Variants in IL15RA observed in about 807,000 individuals in gnomAD.
IL15RA encodes the protein interleukin 15 receptor subunit alpha.
A neutral mutation model predicts 24.2 loss-of-function variants in IL15RA; 26 were observed. That is an observed-to-expected ratio of 1.07 (90% confidence interval 0.79 to 1.49). IL15RA has a LOEUF of 1.49. IL15RA is among the 40% of genes most tolerant of loss of function. The pLI is 0.00. For synonymous variants in IL15RA, 166 were observed against 157.6 expected, an observed-to-expected ratio of 1.05 and a Z score of -0.40; for missense variants, 354 against 356.4, an observed-to-expected ratio of 0.99 and a Z score of 0.05.
chr10:5,961,285 T>A lies in IL15RA; in HGVS notation c.383-718A>T, dbSNP rs1274280849. On this transcript the variant is annotated intron_variant, in intron 3 of 6. Transcript: ENST00000379977. The surrounding 1 kb of genome is among the most constrained non-coding windows in gnomAD (Gnocchi z 5.2). ...AGGTGTGGTGGGCATGTGCCTATAG[T>A]TCCAGCTATCTGAGAGGCTGAGGCA... Among the ~76,000 whole-genome samples the A allele has an allele frequency of 6.6e-6, 1 of 152,160 alleles. No homozygotes were observed. Among genetic ancestry groups the A allele is most frequent in the East Asian group, 1.9e-4 (1 of 5,186 alleles).
chr10:5,950,219 T>A (rs957141009), downstream of IL15RA, among the ~76,000 whole-genome samples: 1 of 152,090 alleles, frequency 6.6e-6, no homozygotes, highest in Non-Finnish European at 1.5e-5. This position sits in a 1 kb window ranked among gnomAD's most constrained non-coding sequence, Gnocchi z 5.6. Context: ...GAGATGTGAA[T>A]CATTTAGACT....
In IL15RA at chr10:5,953,436, C is replaced by T. The variant is rs115901599; in HGVS notation, c.693-230G>A. 1,198 of 689,836 alleles carry T rather than the reference C, an allele frequency of 1.7e-3. 9 individuals carry two copies. The highest frequency in any genetic ancestry group is 0.017 in the African/African-American group (958 of 56,924). 42.7% of individuals were successfully genotyped at this position (689,836 alleles called of 1,614,324 possible). On this transcript the variant is annotated intron_variant, in intron 6 of 6. Coordinates refer to ENST00000379977, the MANE Select transcript of IL15RA (RefSeq NM_002189.4). The surrounding 1 kb of genome is among the most constrained non-coding windows in gnomAD (Gnocchi z 5.3). ...CCTATCTAGGGGCCAGGTGTGGTGG[C>T]GCATGCCTGTAATCCTAGCACTTTA...
chr10:5,965,227 TAA>T lies in IL15RA; in HGVS notation c.283+916_283+917del, dbSNP rs41294175. Among the ~76,000 whole-genome samples the T allele has an allele frequency of 6.7e-6, 1 of 149,374 alleles. No homozygotes were observed. The highest frequency in any genetic ancestry group is 2.4e-5 in the African/African-American group (1 of 40,864). On this transcript the variant is annotated intron_variant, in intron 2 of 6. Transcript: ENST00000379977. This position sits in a 1 kb window ranked among gnomAD's most constrained non-coding sequence, Gnocchi z 5.8. The stretch of plus-strand genomic sequence containing the variant: ...GGACGTTTATCCAGGTGCAGACAGT[TAA>T]AAAAAAAAGTTGATTCTTGCCACCT...
chr10:5,977,378 C>T, intron 1 of IL15RA, 27 bp downstream of exon 1: 2 of 1,153,560 alleles, frequency 1.7e-6, no homozygotes, highest in Non-Finnish European at 2.2e-6. Context: ...AAGTCCCGCC[C>T]GGGCGCCCCT....
At chr10:5,956,572 G>T (rs901799443) in intron 5 of IL15RA, 118 bp from the exon 6 acceptor site, 1 of 728,876 alleles carries the variant, frequency 1.4e-6, no homozygotes, top group Non-Finnish European at 2.5e-6. Context: ...CCAGCCTCCT[G>T]CTAAGGACAT....
downstream of IL15RA, among the ~76,000 whole-genome samples, chr10:5,951,034 G>A (rs888962101): frequency 4.0e-5 from 6 of 150,558 alleles, no homozygotes; most frequent in East Asian, 2.0e-4. Context: ...CCAGCTACTC[G>A]GGAAGGCTGA....
intron 1 of IL15RA, 21 bp downstream of exon 1, chr10:5,977,384 C>A: frequency 8.3e-7 from 1 of 1,207,340 alleles, no homozygotes; most frequent in Non-Finnish European, 1.1e-6. Context: ...CGCCCGGGCG[C>A]CCCTGCTCCC....
chr10:5,957,607 T>TC (rs1834744695), intron 5 of IL15RA, among the ~76,000 whole-genome samples: 1 of 151,042 alleles, frequency 6.6e-6, no homozygotes, highest in African/African-American at 2.4e-5. Context: ...TTTTTTTTTT[T>TC]TCTGCGACGG....
rs539667472 is a variant in IL15RA, at chr10:5,959,445, C to T, written c.616+309G>A. Among the ~76,000 whole-genome samples, 3 of 152,276 alleles carry T rather than the reference C, an allele frequency of 2.0e-5. No homozygotes were observed. The highest frequency in any genetic ancestry group is 4.8e-5 in the African/African-American group (2 of 41,576). ...TCAGCACCTGTAGTTTTGGATGCTC[C>T]ATGCAAAAGAGGTGCACCCTGCTGT... On this transcript the variant is annotated intron_variant, in intron 5 of 6. Transcript: ENST00000379977. This position sits in a 1 kb window ranked among gnomAD's most constrained non-coding sequence, Gnocchi z 4.1.
chr10:5,953,022 C>A lies in IL15RA; in HGVS notation c.*73G>T. The A allele has an allele frequency of 8.8e-7, 1 of 1,133,606 alleles. No individual in the cohort carries two copies. The allele number at this position is 1,133,606 out of a possible 1,614,324, so 70.2% of individuals were successfully genotyped here. On this transcript the variant is annotated 3_prime_UTR_variant, in exon 7 of 7. Coordinates refer to ENST00000379977, the MANE Select transcript of IL15RA (RefSeq NM_002189.4). This position sits in a 1 kb window ranked among gnomAD's most constrained non-coding sequence, Gnocchi z 5.3. The stretch of plus-strand genomic sequence containing the variant: ...TCCTGGAGCCCGCTTCCTTGCACCT[C>A]TTCTCAGTCGTCTTTAGCTAAAGCA...
At position 5,966,321 on chromosome 10, in the gene IL15RA, G is replaced by C. The variant is rs1177080822; in HGVS notation, c.107C>G (p.Pro36Arg). Residue 36 changes from proline to arginine, a missense_variant, in exon 2 of 7, where the codon CCC becomes CGC. Physicochemically the swap from Pro to Arg is moderately radical, Grantham distance 103 (BLOSUM62 -2). Coordinates refer to ENST00000379977, the MANE Select transcript of IL15RA (RefSeq NM_002189.4). This position sits in a 1 kb window ranked among gnomAD's most constrained non-coding sequence, Gnocchi z 6.4. ...PATRGITCPPPMSVEHADIWV... is the reference protein window; with the variant it reads ...PATRGITCPPRMSVEHADIWV... Reference sequence around the variant, plus strand: ...GATGTCTGCGTGTTCCACGGACATGGGGGGAGGGCACGTGATGCCTGCGAA... The same window carrying C: ...GATGTCTGCGTGTTCCACGGACATGCGGGGAGGGCACGTGATGCCTGCGAA... 3.7e-6 allele frequency: 6 copies of C among 1,608,788 alleles called. No individual in the cohort carries two copies. The highest frequency in any genetic ancestry group is 2.2e-5 in the South Asian group (2 of 91,000).
Position 5,960,381 on chromosome 10 carries a change from G to A in IL15RA, c.569C>T (p.Ser190Phe), listed in dbSNP as rs1429132106. ...CGAGTGCTAACCTGGCGGCTGGTGG[G>A]AGGCGGATGCTGTGAGTTCCCAGTT... ...AKNWELTASA[S>F]HQPPGVYPQG... The change falls in exon 4 of 7, where the codon TCC (serine) becomes TTC (phenylalanine). Residue 190 changes from serine to phenylalanine, a missense_variant. Ser to Phe is a radical substitution (Grantham distance 155). Coordinates refer to ENST00000379977, the MANE Select transcript of IL15RA (RefSeq NM_002189.4). This position sits in a 1 kb window ranked among gnomAD's most constrained non-coding sequence, Gnocchi z 5.1. 1 of 1,614,104 alleles carries A rather than the reference G, an allele frequency of 6.2e-7. No homozygotes were observed. The highest frequency in any genetic ancestry group is 8.5e-7 in the Non-Finnish European group (1 of 1,179,974).
Position 5,963,980 on chromosome 10 carries a change from A to T in IL15RA, c.284-139T>A. On this transcript the variant is annotated intron_variant, in intron 2 of 6. Coordinates refer to ENST00000379977, the MANE Select transcript of IL15RA (RefSeq NM_002189.4). The surrounding 1 kb of genome is among the most constrained non-coding windows in gnomAD (Gnocchi z 5.3). ...TGGCTTCCTCAGACAGGTTAAAAGC[A>T]TAAGAAACAATGTTTCCCCACCCGA... 1 of 580,610 alleles carries T rather than the reference A, an allele frequency of 1.7e-6. No homozygotes were observed. The highest frequency in any genetic ancestry group is 3.0e-6 in the Non-Finnish European group (1 of 328,886). 36.0% of individuals were successfully genotyped at this position (580,610 alleles called of 1,614,324 possible). A position where few individuals can be genotyped will look rare whatever the true frequency, so the allele number is the denominator to read the frequency against.
Position 5,968,510 on chromosome 10 carries a change from T to A in IL15RA, c.89-2171A>T, listed in dbSNP as rs1836996822. Reference sequence around the variant, plus strand: ...CTCCCCATTCCAATGAGGACACATCTTCTGCTAAGCTGATGGCGTGAGAGA... The same window carrying A: ...CTCCCCATTCCAATGAGGACACATCATCTGCTAAGCTGATGGCGTGAGAGA... On this transcript the variant is annotated intron_variant, in intron 1 of 6. Transcript: ENST00000379977. The surrounding 1 kb of genome is among the most constrained non-coding windows in gnomAD (Gnocchi z 5.4). The A allele has an allele frequency of 2.1e-6, 1 of 476,742 alleles. No individual in the cohort carries two copies. The highest frequency in any genetic ancestry group is 3.8e-6 in the Non-Finnish European group (1 of 262,086). 29.5% of individuals were successfully genotyped at this position (476,742 alleles called of 1,614,324 possible).
At position 5,975,990 on chromosome 10, in the gene IL15RA, G is replaced by T. The variant is rs1046362839; in HGVS notation, c.88+1415C>A. On this transcript the variant is annotated intron_variant, in intron 1 of 6. Coordinates refer to ENST00000379977, the MANE Select transcript of IL15RA (RefSeq NM_002189.4). This position sits in a 1 kb window ranked among gnomAD's most constrained non-coding sequence, Gnocchi z 4.8. Reference sequence around the variant, plus strand: ...CATCTTTCTAAGGTCAAAGGGCAAGGCTGTGCAGCTGATGAGATCAGAGAT... The same window carrying T: ...CATCTTTCTAAGGTCAAAGGGCAAGTCTGTGCAGCTGATGAGATCAGAGAT... 5.1e-4 allele frequency among the ~76,000 whole-genome samples: 78 copies of T among 152,212 alleles called. No individual in the cohort carries two copies. Among genetic ancestry groups the T allele is most frequent in the African/African-American group, 1.7e-3 (72 of 41,458 alleles).
At position 5,963,405 on chromosome 10, in the gene IL15RA, A is replaced by G. The variant is rs930006939; in HGVS notation, c.382+338T>C. 2.0e-5 allele frequency among the ~76,000 whole-genome samples: 3 copies of G among 152,204 alleles called. No individual in the cohort carries two copies. Among genetic ancestry groups the G allele is most frequent in the Non-Finnish European group, 4.4e-5 (3 of 68,030 alleles). The stretch of plus-strand genomic sequence containing the variant: ...AGTGCCCTCTTTTCTGCCAGCACCC[A>G]TGAAAATGTTGAGGGCTAACACACA... On this transcript the variant is annotated intron_variant, in intron 3 of 6. Transcript: ENST00000379977. The surrounding 1 kb of genome is among the most constrained non-coding windows in gnomAD (Gnocchi z 5.3).
At position 5,967,197 on chromosome 10, in the gene IL15RA, C is replaced by T. The variant is rs553780157; in HGVS notation, c.89-858G>A. Among the ~76,000 whole-genome samples, 5 of 152,234 alleles carry T rather than the reference C, an allele frequency of 3.3e-5. No individual in the cohort carries two copies. The South Asian group carries it at 1.0e-3, about 32-fold the overall frequency. The stretch of plus-strand genomic sequence containing the variant: ...CCTTGTCTTGCCTTGCCTTACCTTG[C>T]CTTACCTTGCCTTGCCTTTCTTTTT... On this transcript the variant is annotated intron_variant, in intron 1 of 6. Coordinates refer to ENST00000379977, the MANE Select transcript of IL15RA (RefSeq NM_002189.4). The surrounding 1 kb of genome is among the most constrained non-coding windows in gnomAD (Gnocchi z 4.4).
chr10:5,959,626 C>T lies in IL15RA; in HGVS notation c.616+128G>A, dbSNP rs758386013. 1.6e-5 allele frequency: 12 copies of T among 764,426 alleles called. No homozygotes were observed. The South Asian group carries it at 1.7e-4, about 11-fold the overall frequency. 47.4% of individuals were successfully genotyped at this position (764,426 alleles called of 1,614,324 possible). On this transcript the variant is annotated intron_variant, in intron 5 of 6. Transcript: ENST00000379977. This position sits in a 1 kb window ranked among gnomAD's most constrained non-coding sequence, Gnocchi z 4.1. Reference sequence around the variant, plus strand: ...TACTTAACTTATTATCTGATGGAGGCCTTCTGAGTGTGGAAGGGGCTGCTG... The same window carrying T: ...TACTTAACTTATTATCTGATGGAGGTCTTCTGAGTGTGGAAGGGGCTGCTG...
intron 1 of IL15RA, among the ~76,000 whole-genome samples, chr10:5,974,870 C>T (rs1242251223): frequency 6.6e-6 from 1 of 151,586 alleles, no homozygotes; most frequent in Non-Finnish European, 1.5e-5. Context: ...GAGTGAGATT[C>T]TGTCTCAAAA....
Sources: gnomAD v4.1 joint callset for allele counts (sites outside exome capture counted in the v4.1 genomes callset) on GRCh38, gnomAD v4.1.1 for gene constraint, Gnocchi (gnomAD v3.1) non-coding constraint, MANE v1.5 for transcripts, NCBI Gene and HGNC (gene_info 2026-07-23, HGNC 2026-07-21) for gene names.